DKK2: variants seen among roughly 807,000 people sequenced by gnomAD.
The protein encoded by DKK2 is dickkopf-related protein 2.
DKK2 carries 11 observed loss-of-function variants against 28.1 expected under a neutral mutation model. That is an observed-to-expected ratio of 0.39 (90% CI 0.25 to 0.65). The LOEUF is 0.65. Among genes scored for constraint, DKK2 ranks in the 30% least tolerant of loss-of-function variants. The probability of loss-of-function intolerance (pLI) is 0.47; values close to 1 mark genes in which losing one functional copy is unlikely to be tolerated. For missense variants in DKK2, 326 were observed against 335.5 expected (o/e 0.97, Z 0.22); for synonymous variants, 135 against 126.5 (o/e 1.07, Z -0.45).
rs143221390 is a variant in DKK2, at chr4:106,976,314, C to T, written c.223-50365G>A. Among the ~76,000 whole-genome samples the T allele has an allele frequency of 8.3e-3, 1,256 of 152,094 alleles. 14 individuals carry two copies. The highest frequency in any genetic ancestry group is 0.029 in the African/African-American group (1,193 of 41,484). On this transcript the variant is annotated intron_variant, in intron 1 of 3. Transcript: ENST00000285311. ...TATCTTTGTTAATTTTCTGACTCGT[C>T]GATCTGTCTAATATTGACAGTGGGG...
At chr4:106,924,237 G>T in intron 3 of DKK2, 33 bp from the exon 4 acceptor site, 1 of 1,589,538 alleles carries the variant, frequency 6.3e-7, no homozygotes, top group South Asian at 1.2e-5. Flanking sequence ...ATGTTACCCT[G>T]ACACTTCAGA....
chr4:107,016,511 C>T (rs1042994196), intron 1 of DKK2, among the ~76,000 whole-genome samples: 1 of 151,936 alleles, frequency 6.6e-6, no homozygotes, highest in Non-Finnish European at 1.5e-5. Flanking sequence ...GAAAGCTCTG[C>T]TCTGTCCTTA....
chr4:106,982,790 A>T (rs1318759102), intron 1 of DKK2, among the ~76,000 whole-genome samples: 4 of 151,806 alleles, frequency 2.6e-5, no homozygotes, highest in Non-Finnish European at 4.4e-5. Flanking sequence ...CTGTAATCTC[A>T]GCTACTGAGA....
At chr4:106,957,301 G>A (rs1244870982) in intron 1 of DKK2, among the ~76,000 whole-genome samples, 2 of 150,396 alleles carry the variant, frequency 1.3e-5, no homozygotes, top group Non-Finnish European at 1.5e-5. Context: ...TTACACTGTT[G>A]GTGGGACTGT....
intron 1 of DKK2, among the ~76,000 whole-genome samples, chr4:106,999,094 AT>A: frequency 6.6e-6 from 1 of 152,272 alleles, no homozygotes; most frequent in East Asian, 1.9e-4. Flanking sequence ...AAAAATCTGA[AT>A]TAGTATCCTG....
At chr4:106,973,689 G>A (rs548002584) in intron 1 of DKK2, among the ~76,000 whole-genome samples, 2 of 152,232 alleles carry the variant, frequency 1.3e-5, no homozygotes, top group South Asian at 4.1e-4. Context: ...TAGGTTGCCT[G>A]TTCACTCTGA....
chr4:107,025,779 G>A (rs563571800), intron 1 of DKK2, among the ~76,000 whole-genome samples: 6 of 152,294 alleles, frequency 3.9e-5, no homozygotes, highest in African/African-American at 7.2e-5. Context: ...AGCTGTCATC[G>A]TGACATTGTA....
intron 1 of DKK2, among the ~76,000 whole-genome samples, chr4:107,002,265 C>A (rs1723370622): frequency 6.6e-6 from 1 of 152,172 alleles, no homozygotes; most frequent in South Asian, 2.1e-4. Flanking sequence ...TTATTAAAAT[C>A]ATTTAAGTCT....
At chr4:107,006,003 T>G (rs1302518077) in intron 1 of DKK2, among the ~76,000 whole-genome samples, 1 of 152,160 alleles carries the variant, frequency 6.6e-6, no homozygotes, top group African/African-American at 2.4e-5. Flanking sequence ...ATGAGTATCA[T>G]TAAAGGCAAA....
At chr4:107,026,709 G>A (rs1723785815) in intron 1 of DKK2, among the ~76,000 whole-genome samples, 1 of 146,298 alleles carries the variant, frequency 6.8e-6, no homozygotes, top group South Asian at 2.2e-4. Context: ...AGGCTTTTTT[G>A]ATAACTATGA....
At chr4:106,939,621 A>G (rs541439614) in intron 1 of DKK2, among the ~76,000 whole-genome samples, 1 of 152,226 alleles carries the variant, frequency 6.6e-6, no homozygotes, top group African/African-American at 2.4e-5. Context: ...TCAAGTTCGT[A>G]TGGAACCAAA....
intron 1 of DKK2, among the ~76,000 whole-genome samples, chr4:107,030,079 G>A (rs1723853143): frequency 1.3e-5 from 2 of 151,950 alleles, no homozygotes; most frequent in African/African-American, 2.4e-5. Flanking sequence ...TCTGTTGTTA[G>A]TGATACATAA....
At chr4:107,017,417 T>C (rs893558595) in intron 1 of DKK2, among the ~76,000 whole-genome samples, 17 of 152,050 alleles carry the variant, frequency 1.1e-4, no homozygotes, top group African/African-American at 4.1e-4. Flanking sequence ...GAGTGGGTTT[T>C]ACTAATTGAG....
intron 1 of DKK2, among the ~76,000 whole-genome samples, chr4:106,983,684 G>C (rs1723068449): frequency 1.3e-5 from 2 of 152,126 alleles, no homozygotes; most frequent in African/African-American, 4.8e-5. Flanking sequence ...TGGCAGACTA[G>C]GAGAAAATGT....
At chr4:106,935,413 T>TA (rs1724566721) in intron 1 of DKK2, among the ~76,000 whole-genome samples, 1 of 152,208 alleles carries the variant, frequency 6.6e-6, no homozygotes, top group African/African-American at 2.4e-5. Flanking sequence ...CCAATGGGCT[T>TA]AAAAAACGGC....
chr4:106,945,589 C>A (rs1724763858), intron 1 of DKK2, among the ~76,000 whole-genome samples: 3 of 152,120 alleles, frequency 2.0e-5, no homozygotes, highest in Non-Finnish European at 4.4e-5. Context: ...CTTTATTTAA[C>A]ATTCATGTGT....
chr4:106,972,331 T>G (rs942124833), intron 1 of DKK2, among the ~76,000 whole-genome samples: 2 of 151,994 alleles, frequency 1.3e-5, no homozygotes, highest in Non-Finnish European at 2.9e-5. Flanking sequence ...AGATAGACTT[T>G]TACTACATAG....
At chr4:107,027,742 C>G (rs1421339194) in intron 1 of DKK2, among the ~76,000 whole-genome samples, 1 of 147,368 alleles carries the variant, frequency 6.8e-6, no homozygotes, top group Non-Finnish European at 1.5e-5. Context: ...TGCTTATGAC[C>G]TCCACCTATT....
At chr4:106,938,337 A>G (rs1578349150) in intron 1 of DKK2, among the ~76,000 whole-genome samples, 2 of 152,304 alleles carry the variant, frequency 1.3e-5, no homozygotes, top group Admixed American at 1.3e-4. Flanking sequence ...AATACTACAA[A>G]CACCTCTGCG....
Sources: allele counts gnomAD v4.1 joint callset (sites outside exome capture counted in the v4.1 genomes callset), GRCh38; gene constraint gnomAD v4.1.1; transcripts MANE v1.5; gene names NCBI Gene and HGNC (gene_info 2026-07-23, HGNC 2026-07-21).